The following SHANK2 variants were observed in gnomAD, a reference collection of about 807,000 sequenced individuals.
SHANK2 encodes the protein SH3 and multiple ankyrin repeat domains 2.
A neutral mutation model predicts 133.7 loss-of-function variants in SHANK2; 43 were observed. The observed-to-expected ratio is 0.32, with a 90% CI of 0.25 to 0.41. The LOEUF (loss-of-function observed/expected upper bound fraction) is 0.41. Among genes scored for constraint, SHANK2 ranks in the 10% least tolerant of loss-of-function variants. The probability of loss-of-function intolerance (pLI) is 1.00; values close to 1 mark genes in which losing one functional copy is unlikely to be tolerated. For missense variants in SHANK2, 1,994 were observed against 2,235.8 expected (o/e 0.89, Z 2.18); for synonymous variants, 1,017 against 952.8 (o/e 1.07, Z -1.24).
At chr11:70,910,697 C>G (rs1950178150) in intron 10 of SHANK2, among the ~76,000 whole-genome samples, 1 of 151,910 alleles carries the variant, frequency 6.6e-6, no homozygotes, top group Admixed American at 6.6e-5. Flanking sequence ...ATCCCAGCCT[C>G]TTGGGAGGCT....
intron 23 of SHANK2, 31 bp from the exon 24 acceptor site, chr11:70,489,379 A>G (rs1441916915): frequency 6.2e-7 from 1 of 1,611,988 alleles, no homozygotes; most frequent in Non-Finnish European, 8.5e-7. Flanking sequence ...GTTATTAACC[A>G]GTAACCGCAA....
intron 14 of SHANK2, among the ~76,000 whole-genome samples, chr11:70,724,903 A>G (rs571121982): frequency 1.4e-4 from 22 of 152,312 alleles, no homozygotes; most frequent in African/African-American, 4.8e-4. Flanking sequence ...TACACCCTAC[A>G]GGGGAGGAGA....
intron 25 of SHANK2, among the ~76,000 whole-genome samples, chr11:70,476,395 A>AC (rs35397909): frequency 0.35 from 53,622 of 151,732 alleles, 11,085 homozygotes; most frequent in East Asian, 0.66. Flanking sequence ...AAAACCTGCA[A>AC]CCCCCCCTTC....
intron 14 of SHANK2, among the ~76,000 whole-genome samples, chr11:70,754,580 TC>T (rs1946825395): frequency 6.6e-6 from 1 of 152,182 alleles, no homozygotes; most frequent in South Asian, 2.1e-4. Context: ...CCCGGTGAGC[TC>T]GAGCAGAGCC....
Position 70,485,537 on chromosome 11 carries a change from G to T in SHANK2, c.4756C>A (p.Pro1586Thr). Residue 1586 changes from proline (P) to threonine (T), a missense_variant, in exon 25 of 26, where the codon CCG becomes ACG. Transcript: ENST00000601538. This position sits in a 1 kb window ranked among gnomAD's most constrained non-coding sequence, Gnocchi z 5.8. The part of the protein sequence containing the change: ...VIPPPAPPPP[P>T]GSAQPGMAKV... ...GCCATCCCAGGCTGGGCACTGCCCG[G>T]CGGGGGCGGGGGAGCGGGCGGGGGG... The T allele has an allele frequency of 6.2e-7, 1 of 1,612,868 alleles. No individual in the cohort carries two copies. Among genetic ancestry groups the T allele is most frequent in the Non-Finnish European group, 8.5e-7 (1 of 1,180,012 alleles).
At chr11:70,674,242 A>T (rs1944866982) in intron 15 of SHANK2, among the ~76,000 whole-genome samples, 1 of 152,198 alleles carries the variant, frequency 6.6e-6, no homozygotes, top group South Asian at 2.1e-4. Context: ...CAGAACTGTG[A>T]GCCAAAGAAA....
At position 71,163,093 on chromosome 11, in the gene SHANK2, A is replaced by AAATATAT; in HGVS notation, c.-12-15756_-12-15755insATATATT. Among the ~76,000 whole-genome samples, 8 of 84,700 alleles carry AAATATAT rather than the reference A, an allele frequency of 9.4e-5. 1 individual carries two copies. Among genetic ancestry groups the AAATATAT allele is most frequent in the African/African-American group, 3.7e-4 (8 of 21,782 alleles). The allele number at this position is 84,700 out of a possible 152,430, so 55.6% of individuals were successfully genotyped here. ...GTCTAAAAAAAAAAAAAAAAAAAAA[A>AAATATAT]ATACATATATATATATATACAGAAT... On this transcript the variant is annotated intron_variant, in intron 2 of 25. Transcript: ENST00000601538.
In SHANK2 at chr11:71,133,237, AATGGATGGATGG is replaced by A. The variant is rs533210236; in HGVS notation, c.207+13871_207+13882del. On this transcript the variant is annotated intron_variant, in intron 3 of 25. Coordinates refer to ENST00000601538, the MANE Select transcript of SHANK2 (RefSeq NM_012309.5). ...GGGTGGCTGGGTGGATGCACAGATG[AATGGATGGATGG>A]ATGGATGGATGGATGGATGGATGGA... 2.0e-3 allele frequency among the ~76,000 whole-genome samples: 219 copies of A among 109,136 alleles called. 1 individual carries two copies. Among genetic ancestry groups the A allele is most frequent in the Middle Eastern group, 5.2e-3 (1 of 192 alleles). The allele number at this position is 109,136 out of a possible 152,430, so 71.6% of individuals were successfully genotyped here. A position where few individuals can be genotyped will look rare whatever the true frequency, so the allele number is the denominator to read the frequency against.
chr11:71,076,560 G>A (rs1397184088), intron 8 of SHANK2, among the ~76,000 whole-genome samples: 5 of 148,794 alleles, frequency 3.4e-5, no homozygotes, highest in South Asian at 2.1e-4. Context: ...ACACACACAC[G>A]AGAAATTTCC....
intron 3 of SHANK2, among the ~76,000 whole-genome samples, chr11:71,128,848 A>C (rs1952238601): frequency 1.3e-5 from 2 of 152,120 alleles, no homozygotes; most frequent in East Asian, 3.9e-4. Flanking sequence ...GCAGTGGTGC[A>C]ATCTCAGCTC....
At chr11:70,658,045 C>A (rs185652369) in intron 17 of SHANK2, among the ~76,000 whole-genome samples, 1 of 152,098 alleles carries the variant, frequency 6.6e-6, no homozygotes, top group Non-Finnish European at 1.5e-5. Context: ...AGCTGAACAA[C>A]GGGGGTTGTT....
chr11:70,829,738 C>T (rs556104475), intron 11 of SHANK2, among the ~76,000 whole-genome samples: 2 of 152,332 alleles, frequency 1.3e-5, no homozygotes, highest in African/African-American at 4.8e-5. Flanking sequence ...ACTTTTCCCG[C>T]CCACACTCGG....
chr11:70,687,560 C>G (rs1945182485), intron 15 of SHANK2, among the ~76,000 whole-genome samples: 1 of 129,220 alleles, frequency 7.7e-6, no homozygotes, highest in Non-Finnish European at 1.5e-5. Context: ...GGATATAAGA[C>G]AGGAGCACGA....
intron 17 of SHANK2, among the ~76,000 whole-genome samples, chr11:70,610,617 C>T (rs1013646268): frequency 6.6e-6 from 1 of 152,204 alleles, no homozygotes; most frequent in Non-Finnish European, 1.5e-5. Context: ...CTCGACTCTC[C>T]GTTTTATATT....
intron 8 of SHANK2, among the ~76,000 whole-genome samples, chr11:71,082,606 A>C (rs958895244): frequency 2.1e-4 from 32 of 152,080 alleles, no homozygotes; most frequent in Non-Finnish European, 3.8e-4. Context: ...GAACGACATA[A>C]CGTGGGGCTC....
chr11:70,697,385 G>A (rs1555022485), intron 15 of SHANK2, among the ~76,000 whole-genome samples: 1 of 152,190 alleles, frequency 6.6e-6, no homozygotes, highest in African/African-American at 2.4e-5. Flanking sequence ...CGTGGAAGAG[G>A]CCAGACATGA....
chr11:70,555,535 C>T (rs1402933503), intron 17 of SHANK2, among the ~76,000 whole-genome samples: 1 of 152,170 alleles, frequency 6.6e-6, no homozygotes, highest in Non-Finnish European at 1.5e-5. Context: ...CACTTGAGCC[C>T]TCGAGTTTGA....
chr11:71,071,157 A>T (rs1951136738), intron 9 of SHANK2, among the ~76,000 whole-genome samples: 1 of 152,208 alleles, frequency 6.6e-6, no homozygotes, highest in Non-Finnish European at 1.5e-5. Context: ...TTTTCCATCC[A>T]AAGCAGTAAT....
At chr11:70,742,551 C>T (rs1420562582) in intron 14 of SHANK2, among the ~76,000 whole-genome samples, 3 of 152,232 alleles carry the variant, frequency 2.0e-5, no homozygotes, top group Non-Finnish European at 4.4e-5. Flanking sequence ...ACATATTTAA[C>T]TCCAGATCCA....
Sources: allele counts gnomAD v4.1 joint callset (sites outside exome capture counted in the v4.1 genomes callset), GRCh38; gene constraint gnomAD v4.1.1; non-coding constraint Gnocchi (gnomAD v3.1); transcripts MANE v1.5; gene names NCBI Gene and HGNC (gene_info 2026-07-23, HGNC 2026-07-21).